Variants in VPS13B observed in about 807,000 individuals in gnomAD.
VPS13B encodes vacuolar protein sorting 13 homolog B.
VPS13B carries 285 observed loss-of-function variants against 426.4 expected under a neutral mutation model. That is an observed-to-expected ratio of 0.67 (90% CI 0.61 to 0.74). The LOEUF (loss-of-function observed/expected upper bound fraction) is 0.74. Ranked by LOEUF, VPS13B falls within the 30% of genes least tolerant of loss-of-function variation. The probability of loss-of-function intolerance (pLI) is 0.00; values close to 1 mark genes in which losing one functional copy is unlikely to be tolerated. For missense variants in VPS13B, 4,537 were observed against 4,782.6 expected, an observed-to-expected ratio of 0.95 and a Z score of 1.51; for synonymous variants, 1,676 against 1,676.4, an observed-to-expected ratio of 1.00 and a Z score of 0.01.
intron 19 of VPS13B, among the ~76,000 whole-genome samples, chr8:99,309,736 G>C (rs1463389423): frequency 6.6e-6 from 1 of 152,198 alleles, no homozygotes. Context: ...TCCGTAGCTT[G>C]ATGGGGGTGG....
chr8:99,204,283 T>C (rs1458239647), intron 17 of VPS13B, among the ~76,000 whole-genome samples: 1 of 152,068 alleles, frequency 6.6e-6, no homozygotes, highest in African/African-American at 2.4e-5. Context: ...TAATAAATGG[T>C]TTTGGGAAAA....
At chr8:99,177,815 T>A (rs928197613) in intron 16 of VPS13B, among the ~76,000 whole-genome samples, 39 of 152,362 alleles carry the variant, frequency 2.6e-4, no homozygotes, top group African/African-American at 9.1e-4. Flanking sequence ...AGAATATTTC[T>A]ACATGACCTA....
At chr8:99,852,002 G>A (rs1816320353) in intron 55 of VPS13B, among the ~76,000 whole-genome samples, 1 of 152,108 alleles carries the variant, frequency 6.6e-6, no homozygotes, top group Non-Finnish European at 1.5e-5. Context: ...AGACTACAGT[G>A]GTGTCAGTGG....
rs889362054 is a variant in VPS13B at position 99,079,069 on chromosome 8, A to T, written c.292-17243A>T. Among the ~76,000 whole-genome samples the T allele has an allele frequency of 3.9e-5, 6 of 152,028 alleles. No individual in the cohort carries two copies. The East Asian group carries it at 1.2e-3, about 29-fold the overall frequency. On this transcript the variant is annotated intron_variant, in intron 3 of 61. Transcript: ENST00000357162. ...CAGGCTCCCAGATATCAGGTGCCAG[A>T]TGTGGTGAGTCAGTCTCCAGGGCTC...
chr8:99,218,804 G>A (rs1815525159), intron 17 of VPS13B, among the ~76,000 whole-genome samples: 1 of 152,214 alleles, frequency 6.6e-6, no homozygotes, highest in Admixed American at 6.5e-5. Flanking sequence ...CTCATGCAAT[G>A]TGGCCTTTCT....
chr8:99,346,690 A>T, intron 19 of VPS13B: 1 of 171,870 alleles, frequency 5.8e-6, no homozygotes, highest in South Asian at 1.6e-4. Context: ...AGCTGTAGGC[A>T]CTTGTTGGGT....
chr8:99,764,505 C>T lies in VPS13B; in HGVS notation c.7051-2269C>T, dbSNP rs1052605418. 3.3e-5 allele frequency among the ~76,000 whole-genome samples: 5 copies of T among 150,858 alleles called. No individual in the cohort carries two copies. In the East Asian group the frequency reaches 9.7e-4, roughly 29 times the overall value. On this transcript the variant is annotated intron_variant, in intron 39 of 61. Coordinates refer to ENST00000357162, the MANE Select transcript of VPS13B (RefSeq NM_152564.5). ...CTTGGCTCATGGCAACCTCCACCTC[C>T]TGGGTTTAAGCAATTCTCCTGTCTC...
chr8:99,432,531 A>C (rs1475949302), intron 22 of VPS13B, among the ~76,000 whole-genome samples: 3 of 152,198 alleles, frequency 2.0e-5, no homozygotes, highest in African/African-American at 4.8e-5. Flanking sequence ...GAAACTCAAC[A>C]ATCTCAGAAA....
intron 8 of VPS13B, among the ~76,000 whole-genome samples, chr8:99,126,267 A>T (rs1439312117): frequency 2.0e-5 from 3 of 152,156 alleles, no homozygotes; most frequent in African/African-American, 7.2e-5. Flanking sequence ...AGCATGGGGA[A>T]GGAGGAGAAG....
chr8:99,798,258 A>G (rs1223099318), intron 43 of VPS13B, among the ~76,000 whole-genome samples: 1 of 150,018 alleles, frequency 6.7e-6, no homozygotes, highest in Non-Finnish European at 1.5e-5. Flanking sequence ...GTCTGTAGGG[A>G]TTCCAGGAAA....
intron 12 of VPS13B, among the ~76,000 whole-genome samples, chr8:99,142,214 T>A (rs966368882): frequency 1.8e-4 from 28 of 152,196 alleles, no homozygotes; most frequent in Admixed American, 1.6e-3. Flanking sequence ...TAAGTAGGCT[T>A]TTCTAGTTTC....
At chr8:99,167,146 A>G (rs1812052579) in intron 15 of VPS13B, among the ~76,000 whole-genome samples, 1 of 152,178 alleles carries the variant, frequency 6.6e-6, no homozygotes, top group South Asian at 2.1e-4. Context: ...ATTGAGTTAA[A>G]TAATCTCTAA....
At chr8:99,055,264 C>T (rs1258007382) in intron 3 of VPS13B, among the ~76,000 whole-genome samples, 1 of 152,042 alleles carries the variant, frequency 6.6e-6, no homozygotes, top group Non-Finnish European at 1.5e-5. Context: ...ATCTCGAATT[C>T]CTGAGCTTAA....
At position 99,416,351 on chromosome 8, in the gene VPS13B, G is replaced by A. The variant is rs149567846; in HGVS notation, c.3083-15186G>A. Among the ~76,000 whole-genome samples, 199 of 152,242 alleles carry A rather than the reference G, an allele frequency of 1.3e-3. 1 individual carries two copies. Among genetic ancestry groups the A allele is most frequent in the African/African-American group, 4.7e-3 (196 of 41,554 alleles). ...CAAGCCAGTGGATCTTAGCTTGCTG[G>A]GCTCCGTGGGGGTGGGATCTGCTGA... On this transcript the variant is annotated intron_variant, in intron 21 of 61. Transcript: ENST00000357162.
At chr8:99,022,018 G>A (rs1208897113) in intron 2 of VPS13B, among the ~76,000 whole-genome samples, 2 of 151,926 alleles carry the variant, frequency 1.3e-5, no homozygotes, top group South Asian at 2.1e-4. Flanking sequence ...TTTTTTCATC[G>A]ATATTGCTAG....
At position 99,875,576 on chromosome 8, in the gene VPS13B, C is replaced by T. The variant is rs1817662607; in HGVS notation, c.11904C>T (p.Tyr3968=). 5 of 1,614,044 alleles carry T rather than the reference C, an allele frequency of 3.1e-6. No homozygotes were observed. Among genetic ancestry groups the T allele is most frequent in the Admixed American group, 1.7e-5 (1 of 60,004 alleles). ...AEPPPSTVKT[Y]HYLVDPHFAQ... is the part of the protein sequence containing the mutation. ...CTCCCCCCTCCACTGTTAAAACATA[C>T]CATTACCTGGTTGATCCACATTTTG... The change falls in exon 62 of 62, where the codon TAC becomes TAT. Residue 3968 remains tyrosine (Y), a synonymous_variant. Coordinates refer to ENST00000357162, the MANE Select transcript of VPS13B (RefSeq NM_152564.5).
chr8:99,117,702 C>G (rs182456657), intron 7 of VPS13B, among the ~76,000 whole-genome samples: 1 of 152,206 alleles, frequency 6.6e-6, no homozygotes, highest in East Asian at 1.9e-4. Context: ...AAAGATAATA[C>G]ATATGATATG....
intron 54 of VPS13B, among the ~76,000 whole-genome samples, chr8:99,842,063 T>C (rs1449783037): frequency 6.6e-6 from 1 of 152,152 alleles, no homozygotes; most frequent in East Asian, 1.9e-4. Flanking sequence ...AAAGTCTAAG[T>C]CTATAATTCT....
chr8:99,571,720 G>A (rs1484984597), intron 31 of VPS13B, among the ~76,000 whole-genome samples: 1 of 151,968 alleles, frequency 6.6e-6, no homozygotes, highest in Non-Finnish European at 1.5e-5. Flanking sequence ...TTCTCACATT[G>A]GTCATTTTAT....
Sources: gnomAD v4.1 joint callset for allele counts (sites outside exome capture counted in the v4.1 genomes callset) on GRCh38, gnomAD v4.1.1 for gene constraint, MANE v1.5 for transcripts, NCBI Gene and HGNC (gene_info 2026-07-23, HGNC 2026-07-21) for gene names.